Variants in STYK1 observed in about 807,000 individuals in gnomAD.
STYK1 encodes STY kinase 1.
STYK1 carries 46 observed loss-of-function variants against 48.1 expected under a neutral mutation model. That is an observed-to-expected ratio of 0.96 (90% CI 0.75 to 1.22). The LOEUF is 1.22. Ranked by LOEUF, STYK1 falls within the 50% of genes most tolerant of loss-of-function variation. STYK1 has a pLI of 0.00. For synonymous variants in STYK1, 188 were observed against 189.0 expected, an observed-to-expected ratio of 0.99 and a Z score of 0.04; for missense variants, 527 against 521.1, an observed-to-expected ratio of 1.01 and a Z score of -0.11.
intron 1 of STYK1, among the ~76,000 whole-genome samples, chr12:10,649,034 T>C (rs916261442): frequency 2.0e-5 from 3 of 152,208 alleles, no homozygotes; most frequent in Non-Finnish European, 1.5e-5. Flanking sequence ...GTAATTTCTC[T>C]CCCAAATGTC....
intron 1 of STYK1, among the ~76,000 whole-genome samples, chr12:10,668,538 G>GCT (rs1947858872): frequency 2.0e-5 from 2 of 98,126 alleles, no homozygotes; most frequent in Non-Finnish European, 4.0e-5. Context: ...ACCACACCTG[G>GCT]CTTTTTTTTT....
At chr12:10,658,061 T>C (rs1288805494) in intron 1 of STYK1, among the ~76,000 whole-genome samples, 5 of 152,220 alleles carry the variant, frequency 3.3e-5, no homozygotes, top group Non-Finnish European at 7.3e-5. Flanking sequence ...GAAAAATTAA[T>C]CTTGTGAAGG....
In STYK1 at chr12:10,624,690, T is replaced by G. The variant is rs779416838; in HGVS notation, c.887A>C (p.Glu296Ala). 4 of 1,614,114 alleles carry G rather than the reference T, an allele frequency of 2.5e-6. No individual in the cohort carries two copies. Among genetic ancestry groups the G allele is most frequent in the East Asian group, 2.2e-5 (1 of 44,866 alleles). Reference protein sequence around the residue: ...QTIPLKWLAPERLLLRPASIR... With the variant: ...QTIPLKWLAPARLLLRPASIR... ...GCTAGCAGGTCTCAGGAGAAGCCGT[T>G]CTGGGGCAAGCCACTTGAGAGGTAT... Residue 296 changes from glutamate (E) to alanine (A), a missense_variant, in exon 8 of 11, where the codon GAA becomes GCA. Transcript: ENST00000075503.
intron 1 of STYK1, among the ~76,000 whole-genome samples, chr12:10,652,912 C>G (rs1165005953): frequency 6.6e-6 from 1 of 152,144 alleles, no homozygotes. Context: ...ATCTTGTTTT[C>G]CTCACCTAAA....
At chr12:10,633,767 T>C (rs2120656410) in intron 4 of STYK1, among the ~76,000 whole-genome samples, 1 of 152,288 alleles carries the variant, frequency 6.6e-6, no homozygotes, top group Non-Finnish European at 1.5e-5. Context: ...ATGAGGTTTT[T>C]CTTGCACACT....
At chr12:10,637,832 G>T (rs1421019540) in intron 1 of STYK1, among the ~76,000 whole-genome samples, 1 of 152,144 alleles carries the variant, frequency 6.6e-6, no homozygotes, top group Non-Finnish European at 1.5e-5. Context: ...ACATGGCTTT[G>T]CCTGTCCACT....
At position 10,631,092 on chromosome 12, in the gene STYK1, G is replaced by T. The variant is rs1233881068; in HGVS notation, c.404C>A (p.Thr135Asn). The T allele has an allele frequency of 1.9e-6, 3 of 1,614,178 alleles. No individual in the cohort carries two copies. Among genetic ancestry groups the T allele is most frequent in the South Asian group, 1.1e-5 (1 of 91,084 alleles). Residue 135 changes from threonine to asparagine, a missense_variant, in exon 5 of 11, where the codon ACT becomes AAT. Physicochemically the swap from Thr to Asn is moderately conservative, Grantham distance 65. Transcript: ENST00000075503. ...ACTCTTGGGCTTAGAAGGGTCCCCA[G>T]TGTTCATATTGGCTCGAAAGATGGG... ...CGPIFRANMN[T>N]GDPSKPKSVI...
chr12:10,641,981 T>A (rs1947550388), intron 1 of STYK1, among the ~76,000 whole-genome samples: 1 of 152,226 alleles, frequency 6.6e-6, no homozygotes, highest in South Asian at 2.1e-4. Context: ...CGGAAGCATG[T>A]CACCTGACCT....
intron 1 of STYK1, among the ~76,000 whole-genome samples, chr12:10,654,224 C>G (rs1947693536): frequency 6.6e-6 from 1 of 152,162 alleles, no homozygotes. Context: ...AACCCTTTCC[C>G]AGAAAACTCA....
chr12:10,635,627 T>C (rs527833490), intron 2 of STYK1, among the ~76,000 whole-genome samples: 13 of 152,310 alleles, frequency 8.5e-5, no homozygotes, highest in Non-Finnish European at 1.9e-4. Context: ...TAAAATTGTA[T>C]AGCATAAAAA....
At chr12:10,652,145 G>C (rs958677736) in intron 1 of STYK1, among the ~76,000 whole-genome samples, 22 of 152,212 alleles carry the variant, frequency 1.4e-4, no homozygotes, top group Middle Eastern at 3.4e-3. Flanking sequence ...TGGGAACCCC[G>C]CCTTAAACTC....
chr12:10,641,860 G>A (rs1380784228), intron 1 of STYK1, among the ~76,000 whole-genome samples: 1 of 152,174 alleles, frequency 6.6e-6, no homozygotes, highest in Non-Finnish European at 1.5e-5. Context: ...GTTCAGAGCT[G>A]AGCAGTCCAG....
chr12:10,619,810 G>A lies in STYK1; in HGVS notation c.*334C>T. On this transcript the variant is annotated 3_prime_UTR_variant, in exon 11 of 11. Coordinates refer to ENST00000075503, the MANE Select transcript of STYK1 (RefSeq NM_018423.3). The stretch of plus-strand genomic sequence containing the variant: ...TCTAGATAAAAATGTGGTTCCAGAG[G>A]AAACTAGCCTCGGACGGGAGGGATG... The A allele has an allele frequency of 2.5e-6, 1 of 406,922 alleles. No individual in the cohort carries two copies. Among genetic ancestry groups the A allele is most frequent in the South Asian group, 1.2e-4 (1 of 8,672 alleles). The allele number at this position is 406,922 out of a possible 1,614,324, so 25.2% of individuals were successfully genotyped here.
chr12:10,640,359 A>T (rs1395830756), intron 1 of STYK1, among the ~76,000 whole-genome samples: 1 of 152,152 alleles, frequency 6.6e-6, no homozygotes, highest in African/African-American at 2.4e-5. Context: ...TGGAGAGGTG[A>T]TTCTTTTTAA....
At chr12:10,667,745 C>A (rs1039738088) in intron 1 of STYK1, among the ~76,000 whole-genome samples, 3 of 152,158 alleles carry the variant, frequency 2.0e-5, no homozygotes, top group Non-Finnish European at 4.4e-5. Context: ...CAGGGAAGCA[C>A]ATAATGCTCA....
intron 1 of STYK1, chr12:10,640,631 C>T (rs1040695136): frequency 3.3e-5 from 5 of 152,128 alleles, no homozygotes; most frequent in African/African-American, 9.7e-5. Context: ...AGGAGTCCTG[C>T]GCCTGTTTCA....
At chr12:10,627,273 A>G (rs1339741569) in intron 7 of STYK1, among the ~76,000 whole-genome samples, 4 of 152,054 alleles carry the variant, frequency 2.6e-5, no homozygotes, top group Non-Finnish European at 5.9e-5. Flanking sequence ...TCTTCTCCCT[A>G]CTTGCTTCCC....
At chr12:10,644,270 T>C (rs1947576436) in intron 1 of STYK1, among the ~76,000 whole-genome samples, 1 of 152,174 alleles carries the variant, frequency 6.6e-6, no homozygotes, top group African/African-American at 2.4e-5. Context: ...GAAAATTACA[T>C]GAGTCTATAC....
chr12:10,622,956 G>A (rs1275000580), intron 8 of STYK1, among the ~76,000 whole-genome samples: 1 of 150,960 alleles, frequency 6.6e-6, no homozygotes, highest in Non-Finnish European at 1.5e-5. Context: ...GTGTGTGCAT[G>A]TAACCACACA....
Sources: gnomAD v4.1 joint callset for allele counts (sites outside exome capture counted in the v4.1 genomes callset) on GRCh38, gnomAD v4.1.1 for gene constraint, MANE v1.5 for transcripts, NCBI Gene and HGNC (gene_info 2026-07-23, HGNC 2026-07-21) for gene names.